RIT2: variants seen among roughly 807,000 people sequenced by gnomAD.
RIT2 encodes the protein GTP-binding protein Rit2.
In RIT2, 24 loss-of-function variants were observed where a neutral mutation model predicts 23.7. The observed-to-expected ratio is 1.01, with a 90% CI of 0.73 to 1.43. The LOEUF (loss-of-function observed/expected upper bound fraction) is 1.43. Among genes scored for constraint, RIT2 ranks in the 40% most tolerant of loss-of-function variants. RIT2 has a pLI of 0.00. For missense variants in RIT2, 236 were observed against 266.9 expected (o/e 0.88, Z 0.81); for synonymous variants, 107 against 91.1 (o/e 1.17, Z -0.99).
chr18:42,831,456 T>G (rs1298364148), intron 4 of RIT2, among the ~76,000 whole-genome samples: 1 of 152,190 alleles, frequency 6.6e-6, no homozygotes, highest in South Asian at 2.1e-4. Flanking sequence ...TTATTACGAT[T>G]ATTTTTAGTT....
chr18:43,014,745 T>C (rs1344637034), intron 2 of RIT2, among the ~76,000 whole-genome samples: 1 of 151,218 alleles, frequency 6.6e-6, no homozygotes, highest in East Asian at 2.0e-4. Flanking sequence ...CAGGAATGAG[T>C]CCAAATATGC....
At chr18:42,943,930 T>C (rs1271892823) in intron 3 of RIT2, among the ~76,000 whole-genome samples, 2 of 152,184 alleles carry the variant, frequency 1.3e-5, no homozygotes, top group Non-Finnish European at 2.9e-5. Flanking sequence ...AACTACTTTT[T>C]TCTTTCAGAA....
At chr18:42,925,723 A>C (rs1909162987) in intron 3 of RIT2, among the ~76,000 whole-genome samples, 1 of 151,686 alleles carries the variant, frequency 6.6e-6, no homozygotes, top group African/African-American at 2.4e-5. Context: ...CAAATGCATC[A>C]GTTAATAGCT....
intron 1 of RIT2, among the ~76,000 whole-genome samples, chr18:43,076,931 G>A (rs1332081699): frequency 6.6e-6 from 1 of 151,040 alleles, no homozygotes; most frequent in Admixed American, 6.6e-5. Flanking sequence ...GTGAAACCCC[G>A]TCTCTACTAA....
intron 2 of RIT2, among the ~76,000 whole-genome samples, chr18:43,003,394 G>A (rs1287986286): frequency 1.3e-5 from 2 of 151,714 alleles, no homozygotes; most frequent in Non-Finnish European, 2.9e-5. Context: ...TTATTTTTCC[G>A]AGTGAAAACA....
In RIT2 at chr18:42,923,773, A is replaced by G; in HGVS notation, c.235-10T>C. 3 of 1,442,876 alleles carry G rather than the reference A, an allele frequency of 2.1e-6. No homozygotes were observed. Among genetic ancestry groups the G allele is most frequent in the Non-Finnish European group, 2.8e-6 (3 of 1,066,174 alleles). 89.4% of individuals were successfully genotyped at this position (1,442,876 alleles called of 1,614,324 possible). A position where few individuals can be genotyped will look rare whatever the true frequency, so the allele number is the denominator to read the frequency against. On this transcript the variant is annotated splice_polypyrimidine_tract_variant and intron_variant, in intron 3 of 4. Transcript: ENST00000326695. ...TGGCTGTGAATTCTGCCTGCAGGAAAAAAAAAAAAAAATTAGTTATGGGCT... is the reference window on the plus strand; with the variant it reads ...TGGCTGTGAATTCTGCCTGCAGGAAGAAAAAAAAAAAATTAGTTATGGGCT...
intron 1 of RIT2, among the ~76,000 whole-genome samples, chr18:43,039,693 A>T: frequency 6.6e-6 from 1 of 152,290 alleles, no homozygotes; most frequent in African/African-American, 2.4e-5. Flanking sequence ...TTCATGGCAT[A>T]GATCACATGT....
At chr18:42,751,429 A>G (rs1913043487) in intron 4 of RIT2, among the ~76,000 whole-genome samples, 1 of 151,948 alleles carries the variant, frequency 6.6e-6, no homozygotes, top group Non-Finnish European at 1.5e-5. Flanking sequence ...AAATATAAGC[A>G]TCACAAATCA....
intron 4 of RIT2, among the ~76,000 whole-genome samples, chr18:42,792,693 T>C (rs1212049764): frequency 1.3e-5 from 2 of 152,162 alleles, no homozygotes; most frequent in Non-Finnish European, 2.9e-5. Context: ...AAGTCCATAG[T>C]GAAGTCAAGC....
chr18:42,902,691 T>C (rs1486005145), intron 4 of RIT2, among the ~76,000 whole-genome samples: 1 of 151,644 alleles, frequency 6.6e-6, no homozygotes, highest in East Asian at 1.9e-4. Flanking sequence ...ATAAATATGT[T>C]TGTGGAAAAC....
rs781013053 is a variant in RIT2, at chr18:42,859,429, GTTCT to G, written c.426+64139_426+64142del. Among the ~76,000 whole-genome samples the G allele has an allele frequency of 1.3e-3, 197 of 152,278 alleles. 1 individual carries two copies. Among genetic ancestry groups the G allele is most frequent in the Non-Finnish European group, 2.1e-3 (143 of 68,024 alleles). ...GTCCCTATATTGTTGAGTTGTAAGT[GTTCT>G]TTGTGTAGCCTGGATAAAAGTCTCT... On this transcript the variant is annotated intron_variant, in intron 4 of 4. Transcript: ENST00000326695.
chr18:42,966,717 G>C (rs1910232761), intron 3 of RIT2, among the ~76,000 whole-genome samples: 1 of 152,154 alleles, frequency 6.6e-6, no homozygotes, highest in South Asian at 2.1e-4. Context: ...GTCAGGGAAT[G>C]CCATGATTTT....
Position 42,936,915 on chromosome 18 carries a change from G to A in RIT2, c.235-13152C>T, listed in dbSNP as rs531947876. Among the ~76,000 whole-genome samples the A allele has an allele frequency of 5.9e-5, 9 of 152,080 alleles. No homozygotes were observed. In the East Asian group the frequency reaches 1.8e-3, roughly 30 times the overall value. On this transcript the variant is annotated intron_variant, in intron 3 of 4. Coordinates refer to ENST00000326695, the MANE Select transcript of RIT2 (RefSeq NM_002930.4). ...TAACCCCAGCTACTCAGGAAACTGA[G>A]GCAGGGGAATCGCTTGAACCTGGGA...
At chr18:42,989,653 C>T (rs1273873475) in intron 2 of RIT2, among the ~76,000 whole-genome samples, 3 of 152,060 alleles carry the variant, frequency 2.0e-5, no homozygotes, top group Non-Finnish European at 4.4e-5. Flanking sequence ...CATGAAAGCC[C>T]ACATAGCTCA....
chr18:42,795,040 G>A (rs1390062220), intron 4 of RIT2, among the ~76,000 whole-genome samples: 1 of 152,210 alleles, frequency 6.6e-6, no homozygotes, highest in East Asian at 1.9e-4. Flanking sequence ...ATGGGCAAGA[G>A]GACCCATATC....
chr18:42,783,600 G>A (rs557613388), intron 4 of RIT2, among the ~76,000 whole-genome samples: 12 of 152,016 alleles, frequency 7.9e-5, no homozygotes, highest in African/African-American at 2.9e-4. Flanking sequence ...GGACACAAGG[G>A]GGCACACAGC....
At chr18:42,933,251 C>T (rs933925364) in intron 3 of RIT2, among the ~76,000 whole-genome samples, 1 of 152,006 alleles carries the variant, frequency 6.6e-6, no homozygotes, top group African/African-American at 2.4e-5. Context: ...TAATGAGGTA[C>T]ATCATCCTAG....
intron 1 of RIT2, among the ~76,000 whole-genome samples, chr18:43,069,605 G>A (rs935540092): frequency 3.3e-5 from 5 of 152,096 alleles, no homozygotes; most frequent in African/African-American, 1.2e-4. Context: ...AGAAACCAGA[G>A]TGACACATGG....
At chr18:42,791,066 CA>C (rs1914032494) in intron 4 of RIT2, among the ~76,000 whole-genome samples, 1 of 152,078 alleles carries the variant, frequency 6.6e-6, no homozygotes, top group Admixed American at 6.6e-5. Flanking sequence ...ATAGAATAAG[CA>C]ATCTAATGTG....
Sources: allele counts gnomAD v4.1 joint callset (sites outside exome capture counted in the v4.1 genomes callset), GRCh38; gene constraint gnomAD v4.1.1; transcripts MANE v1.5; gene names NCBI Gene and HGNC (gene_info 2026-07-23, HGNC 2026-07-21).